The following FAM135B variants were observed in gnomAD, a reference collection of about 807,000 sequenced individuals.
The protein encoded by FAM135B is protein FAM135B.
A neutral mutation model predicts 127.7 loss-of-function variants in FAM135B; 43 were observed. The observed-to-expected ratio is 0.34, with a 90% CI of 0.26 to 0.43. The LOEUF is 0.43. FAM135B is among the 20% of genes least tolerant of loss of function. The probability of loss-of-function intolerance (pLI) is 1.00; values close to 1 mark genes in which losing one functional copy is unlikely to be tolerated. For synonymous variants in FAM135B, 670 were observed against 665.1 expected (o/e 1.01, Z -0.11); for missense variants, 1,558 against 1,725.6 (o/e 0.90, Z 1.72).
chr8:138,324,071 T>C (rs191829891), intron 2 of FAM135B, among the ~76,000 whole-genome samples: 10 of 152,302 alleles, frequency 6.6e-5, no homozygotes, highest in Middle Eastern at 3.4e-3. Context: ...GGGTAGTAAG[T>C]GGTCAAAAGC....
At chr8:138,315,405 A>G (rs1563889529) in intron 2 of FAM135B, among the ~76,000 whole-genome samples, 1 of 152,210 alleles carries the variant, frequency 6.6e-6, no homozygotes, top group Non-Finnish European at 1.5e-5. Context: ...ATGAAAAATA[A>G]CATGGAGGTT....
intron 1 of FAM135B, among the ~76,000 whole-genome samples, chr8:138,457,069 T>C (rs557490249): frequency 2.4e-4 from 35 of 144,514 alleles, no homozygotes; most frequent in African/African-American, 8.6e-4. Flanking sequence ...ATATAGGTGA[T>C]AAAATAATAG....
chr8:138,134,806 T>A (rs1174846576), intron 19 of FAM135B, among the ~76,000 whole-genome samples: 1 of 152,118 alleles, frequency 6.6e-6, no homozygotes. Context: ...ACAGAAAATA[T>A]AAGTTTAACA....
At chr8:138,247,075 G>C (rs1172320763) in intron 6 of FAM135B, among the ~76,000 whole-genome samples, 1 of 152,194 alleles carries the variant, frequency 6.6e-6, no homozygotes, top group Non-Finnish European at 1.5e-5. Flanking sequence ...AATGTATCTA[G>C]GAAATAACCA....
chr8:138,146,128 C>T (rs1817633773), intron 14 of FAM135B, 78 bp from the exon 15 acceptor site: 3 of 726,426 alleles, frequency 4.1e-6, no homozygotes, highest in East Asian at 2.6e-5. Context: ...ATTTCTTTCT[C>T]TCTCCCTCTT....
At chr8:138,310,300 C>A (rs1826582186) in intron 3 of FAM135B, among the ~76,000 whole-genome samples, 1 of 152,166 alleles carries the variant, frequency 6.6e-6, no homozygotes, top group Non-Finnish European at 1.5e-5. Flanking sequence ...CTTTTTCTGA[C>A]TCAACACTCT....
At chr8:138,330,836 T>A (rs368447523) in intron 2 of FAM135B, among the ~76,000 whole-genome samples, 21 of 151,894 alleles carry the variant, frequency 1.4e-4, no homozygotes, top group Non-Finnish European at 1.9e-4. Flanking sequence ...CACTCTCATA[T>A]AAATGTACAT....
chr8:138,447,947 G>T (rs1245535595), intron 1 of FAM135B, among the ~76,000 whole-genome samples: 2 of 151,676 alleles, frequency 1.3e-5, no homozygotes, highest in Non-Finnish European at 2.9e-5. Context: ...TACTCTTTAG[G>T]TCTCCAAACC....
At chr8:138,367,206 A>G in intron 2 of FAM135B, 1 of 326,612 alleles carries the variant, frequency 3.1e-6, no homozygotes, top group Non-Finnish European at 6.0e-6. Context: ...CACTTAATTC[A>G]ATTTCTATTA....
At chr8:138,366,165 C>A (rs1310004367) in intron 2 of FAM135B, among the ~76,000 whole-genome samples, 1 of 152,168 alleles carries the variant, frequency 6.6e-6, no homozygotes, top group Admixed American at 6.5e-5. Context: ...TACTGTTCTA[C>A]TTCCCTAATC....
intron 7 of FAM135B, among the ~76,000 whole-genome samples, chr8:138,230,216 T>C (rs1203167089): frequency 6.6e-6 from 1 of 152,164 alleles, no homozygotes; most frequent in African/African-American, 2.4e-5. Flanking sequence ...AGCCACAATC[T>C]ATTTCACTCT....
At position 138,339,358 on chromosome 8, in the gene FAM135B, A is replaced by AATATATATATATATATATATAT. The variant is rs143774221; in HGVS notation, c.78-28460_78-28439dup. 1.8e-3 allele frequency among the ~76,000 whole-genome samples: 267 copies of AATATATATATATATATATATAT among 147,632 alleles called. 2 individuals are homozygous for AATATATATATATATATATATAT. The highest frequency in any genetic ancestry group is 6.5e-3 in the African/African-American group (254 of 39,020). ...TGCATCCTGTTTAAAAAACTAACTAAATATATATATATATATATATATATA... is the reference window on the plus strand; with the variant it reads ...TGCATCCTGTTTAAAAAACTAACTAAATATATATATATATATATATATATATATATATATATATATATATATA... On this transcript the variant is annotated intron_variant, in intron 2 of 19. Transcript: ENST00000395297.
intron 2 of FAM135B, among the ~76,000 whole-genome samples, chr8:138,356,271 A>C (rs1755737745): frequency 8.6e-5 from 1 of 11,626 alleles, no homozygotes; most frequent in South Asian, 9.3e-3. Context: ...GGAAAGAGAG[A>C]GAGAGAGAGA....
At chr8:138,367,830 C>A (rs1269352504) in intron 2 of FAM135B, 77 bp downstream of exon 2, 2 of 1,124,230 alleles carry the variant, frequency 1.8e-6, no homozygotes, top group Non-Finnish European at 2.6e-6. Flanking sequence ...ACTTCCCCAC[C>A]TCCACCTTCT....
intron 2 of FAM135B, among the ~76,000 whole-genome samples, chr8:138,324,183 A>G (rs1317234293): frequency 6.6e-6 from 1 of 152,204 alleles, no homozygotes. Context: ...CCACATTACG[A>G]GAGATCACAT....
Position 138,220,767 on chromosome 8 carries a change from T to C in FAM135B, c.669+22175A>G, listed in dbSNP as rs114249993. On this transcript the variant is annotated intron_variant, in intron 7 of 19. Coordinates refer to ENST00000395297, the MANE Select transcript of FAM135B (RefSeq NM_015912.4). ...GTTCATATTGCCAGTGTAAATTTCA[T>C]CTCATGGTTTATAAGAAAATAGGAA... Among the ~76,000 whole-genome samples the C allele has an allele frequency of 5.1e-3, 779 of 152,276 alleles. 8 individuals are homozygous for C. The highest frequency in any genetic ancestry group is 0.018 in the African/African-American group (743 of 41,548).
chr8:138,459,975 C>T (rs1837032957), intron 1 of FAM135B, among the ~76,000 whole-genome samples: 1 of 152,164 alleles, frequency 6.6e-6, no homozygotes, highest in African/African-American at 2.4e-5. Context: ...TAGAACTTTC[C>T]TCCTCAATTT....
At chr8:138,310,782 A>C (rs1401682946) in intron 3 of FAM135B, 59 bp downstream of exon 3, 2 of 1,478,644 alleles carry the variant, frequency 1.4e-6, no homozygotes, top group African/African-American at 1.4e-5. Context: ...CCTGGCGAGC[A>C]GTGACAAAGG....
At chr8:138,475,234 G>C (rs936501103) in intron 1 of FAM135B, among the ~76,000 whole-genome samples, 2 of 151,962 alleles carry the variant, frequency 1.3e-5, no homozygotes, top group Non-Finnish European at 2.9e-5. Context: ...CTTTCTCCCT[G>C]ACCCCTTGCA....
Sources: allele counts gnomAD v4.1 joint callset (sites outside exome capture counted in the v4.1 genomes callset), GRCh38; gene constraint gnomAD v4.1.1; transcripts MANE v1.5; gene names NCBI Gene and HGNC (gene_info 2026-07-23, HGNC 2026-07-21).